The following MAOB variants were observed in gnomAD, a reference collection of about 807,000 sequenced individuals.
The protein encoded by MAOB is monoamine oxidase B.
MAOB carries 15 observed loss-of-function variants against 41.9 expected under a neutral mutation model. The ratio of observed to expected loss-of-function variants is 0.36; its 90% CI spans 0.24 to 0.55. The LOEUF (loss-of-function observed/expected upper bound fraction) is 0.55, where lower values mean the gene tolerates loss of function less well. Ranked by LOEUF, MAOB falls within the 20% of genes least tolerant of loss-of-function variation. The pLI is 0.86. For synonymous variants in MAOB, 167 were observed against 144.2 expected (o/e 1.16, Z -1.13); for missense variants, 345 against 398.7 (o/e 0.87, Z 1.15).
intron 1 of MAOB, among the ~76,000 whole-genome samples, chrX:43,867,686 G>C (rs985719171): frequency 8.9e-6 from 1 of 111,919 alleles, no homozygotes; most frequent in Non-Finnish European, 1.9e-5. Context: ...CTTATCATGC[G>C]TACAAGAATT....
intron 1 of MAOB, among the ~76,000 whole-genome samples, chrX:43,853,209 A>G (rs2035263606): frequency 9.6e-6 from 1 of 104,466 alleles, no homozygotes; most frequent in South Asian, 4.7e-4. Context: ...CGGAGGTTGC[A>G]ATGAGCCGAG....
intron 1 of MAOB, among the ~76,000 whole-genome samples, chrX:43,877,961 G>A (rs1440392319): frequency 8.9e-6 from 1 of 112,228 alleles, no homozygotes; most frequent in Admixed American, 9.4e-5. Context: ...GCCTGTTTTT[G>A]CTCCCTTAGA....
chrX:43,850,839 T>C (rs1165123892), intron 1 of MAOB, among the ~76,000 whole-genome samples: 2 of 112,211 alleles, frequency 1.8e-5, no homozygotes, highest in Non-Finnish European at 3.8e-5. Context: ...TAAGTTGCCA[T>C]AGAAACCTTT....
intron 8 of MAOB, among the ~76,000 whole-genome samples, chrX:43,782,086 A>G (rs2034340653): frequency 9.0e-6 from 1 of 111,545 alleles, no homozygotes; most frequent in African/African-American, 3.3e-5. Context: ...GAACTAGAGA[A>G]GCAAGAGCAA....
chrX:43,826,047 C>A (rs1353909458), intron 3 of MAOB, among the ~76,000 whole-genome samples: 2 of 112,167 alleles, frequency 1.8e-5, no homozygotes, highest in Non-Finnish European at 3.8e-5. Context: ...CAATATTTTT[C>A]TATATATTTT....
chrX:43,815,090 T>G (rs1192450730), intron 3 of MAOB, among the ~76,000 whole-genome samples: 1 of 111,317 alleles, frequency 9.0e-6, no homozygotes, highest in Non-Finnish European at 1.9e-5. Flanking sequence ...CTTTGCTGCT[T>G]GTATCAGCCA....
At chrX:43,835,403 G>T (rs2035060851) in intron 3 of MAOB, among the ~76,000 whole-genome samples, 1 of 112,011 alleles carries the variant, frequency 8.9e-6, no homozygotes, top group Non-Finnish European at 1.9e-5. Flanking sequence ...CTGCATCACT[G>T]ACTCCAGAAG....
At chrX:43,876,832 G>A (rs779320594) in intron 1 of MAOB, among the ~76,000 whole-genome samples, 3 of 112,233 alleles carry the variant, frequency 2.7e-5, no homozygotes, top group Non-Finnish European at 5.6e-5. Flanking sequence ...AATGTTCTCC[G>A]AGTGTGCATG....
intron 1 of MAOB, among the ~76,000 whole-genome samples, chrX:43,854,315 A>G (rs1166640486): frequency 8.9e-6 from 1 of 112,559 alleles, no homozygotes; most frequent in Non-Finnish European, 1.9e-5. Flanking sequence ...CATATACACC[A>G]TGGAATACTG....
chrX:43,809,420 A>G (rs1296924714), intron 3 of MAOB, among the ~76,000 whole-genome samples: 2 of 112,691 alleles, frequency 1.8e-5, no homozygotes, highest in Non-Finnish European at 3.7e-5. Context: ...GAAGCAGAAT[A>G]AAACACTTTA....
intron 3 of MAOB, among the ~76,000 whole-genome samples, chrX:43,820,891 T>G (rs1238152865): frequency 8.9e-6 from 1 of 112,467 alleles, no homozygotes; most frequent in East Asian, 2.8e-4. Flanking sequence ...TTGCCAACTT[T>G]CATGTAGATG....
chrX:43,785,641 G>T (rs1476959889), intron 8 of MAOB, among the ~76,000 whole-genome samples: 4 of 112,181 alleles, frequency 3.6e-5, no homozygotes, highest in African/African-American at 1.3e-4. Context: ...TCTAGTTTTT[G>T]ATTTAAAGCA....
At chrX:43,851,041 A>G (rs771455574) in intron 1 of MAOB, among the ~76,000 whole-genome samples, 25 of 112,301 alleles carry the variant, frequency 2.2e-4, no homozygotes, top group African/African-American at 7.7e-4. Context: ...GTTGTTTGAA[A>G]GGAGTTGACT....
chrX:43,861,375 C>T (rs1269875741), intron 1 of MAOB, among the ~76,000 whole-genome samples: 2 of 112,505 alleles, frequency 1.8e-5, no homozygotes, highest in Non-Finnish European at 3.8e-5. Flanking sequence ...TCAAGGTGAC[C>T]GTTTGATCAC....
chrX:43,857,156 GAGAGAGAGAA>G, intron 1 of MAOB, among the ~76,000 whole-genome samples: 2 of 56,713 alleles, frequency 3.5e-5, no homozygotes, highest in African/African-American at 8.2e-5. Context: ...GAGAGAGAGA[GAGAGAGAGAA>G]GAAGAGAGAG....
chrX:43,805,644 G>T (rs994098131), intron 3 of MAOB, among the ~76,000 whole-genome samples: 1 of 112,175 alleles, frequency 8.9e-6, no homozygotes, highest in African/African-American at 3.2e-5. Flanking sequence ...GCTAAGTAGT[G>T]TCCATTGTAT....
chrX:43,880,582 G>A (rs764424301), intron 1 of MAOB, among the ~76,000 whole-genome samples: 32 of 112,220 alleles, frequency 2.9e-4, no homozygotes, highest in Non-Finnish European at 5.4e-4. Context: ...TGCCTATTCC[G>A]TGGAATGTTC....
chrX:43,854,833 A>C (rs1181469135), intron 1 of MAOB, among the ~76,000 whole-genome samples: 4 of 112,005 alleles, frequency 3.6e-5, no homozygotes, highest in African/African-American at 1.3e-4. Context: ...CGCATCAAAA[A>C]ATCAGCCATT....
intron 8 of MAOB, among the ~76,000 whole-genome samples, chrX:43,791,561 T>C: frequency 9.0e-6 from 1 of 111,235 alleles, no homozygotes; most frequent in East Asian, 2.8e-4. Context: ...ATCGAGACCA[T>C]CCTGGCTAAC....
Sources: allele counts gnomAD v4.1 joint callset (sites outside exome capture counted in the v4.1 genomes callset), GRCh38; gene constraint gnomAD v4.1.1; transcripts MANE v1.5; gene names NCBI Gene and HGNC (gene_info 2026-07-23, HGNC 2026-07-21).